PXK: variants seen among roughly 807,000 people sequenced by gnomAD.
PXK encodes the protein PX domain-containing protein kinase-like protein.
Under a neutral mutation model 84.7 loss-of-function variants are expected in PXK, and 35 were observed. That is an observed-to-expected ratio of 0.41 (90% CI 0.32 to 0.55). The LOEUF (loss-of-function observed/expected upper bound fraction) is 0.55. Among genes scored for constraint, PXK ranks in the 20% least tolerant of loss-of-function variants. The pLI is 0.21. For missense variants in PXK, 634 were observed against 699.7 expected (o/e 0.91, Z 1.06); for synonymous variants, 253 against 260.8 (o/e 0.97, Z 0.29).
intron 7 of PXK, among the ~76,000 whole-genome samples, chr3:58,394,182 G>A (rs2098658573): frequency 6.6e-6 from 1 of 152,132 alleles, no homozygotes; most frequent in Admixed American, 6.5e-5. Flanking sequence ...CTGCATGCCA[G>A]CCTCCAAAAT....
Position 58,382,630 on chromosome 3 carries a change from T to C in PXK, c.318T>C (p.Asn106=), listed in dbSNP as rs56141849. ...ACTATCTCAACGTGATCACAACAAA[T>C]CATATCTTGTCTAATTGTGAGCTGG... is the stretch of plus-strand genomic sequence containing the variant. The part of the protein sequence containing the change: ...LQNYLNVITT[N]HILSNCELVK... The change falls in exon 4 of 18, where the codon AAT becomes AAC. Residue 106 remains asparagine, a synonymous_variant. Transcript: ENST00000356151. The C allele has an allele frequency of 4.9e-3, 7,793 of 1,601,098 alleles. 21 individuals carry two copies. The highest frequency in any genetic ancestry group is 5.6e-3 in the Non-Finnish European group (6,594 of 1,176,200).
rs909694654 is a variant in PXK, at chr3:58,364,266, TCCTTC to T, written c.103-1606_103-1602del. Among the ~76,000 whole-genome samples the T allele has an allele frequency of 3.9e-5, 6 of 152,174 alleles. No individual in the cohort carries two copies. The highest frequency in any genetic ancestry group is 7.3e-5 in the Non-Finnish European group (5 of 68,034). On this transcript the variant is annotated intron_variant, in intron 1 of 17. Transcript: ENST00000356151. The surrounding 1 kb of genome is among the most constrained non-coding windows in gnomAD (Gnocchi z 4.3). The stretch of plus-strand genomic sequence containing the variant: ...CTTCATCAAGTGAATTGGGAAGTGT[TCCTTC>T]CTCTTCTGTGTTTTAGAAGAGTTTG...
chr3:58,386,541 CA>C (rs889649544), intron 4 of PXK, among the ~76,000 whole-genome samples: 9 of 151,964 alleles, frequency 5.9e-5, no homozygotes. Flanking sequence ...GTGATACGCC[CA>C]CCTCGGCCTC....
At chr3:58,342,535 T>C (rs2097754848) in intron 1 of PXK, among the ~76,000 whole-genome samples, 1 of 148,706 alleles carries the variant, frequency 6.7e-6, no homozygotes, top group Non-Finnish European at 1.5e-5. Flanking sequence ...CTCAGGAAGC[T>C]GAGGCACGAG....
At position 58,333,101 on chromosome 3, in the gene PXK, C is replaced by T. The variant is rs781552756; in HGVS notation, c.102+11C>T. On this transcript the variant is annotated intron_variant, in intron 1 of 17. Transcript: ENST00000356151. This position sits in a 1 kb window ranked among gnomAD's most constrained non-coding sequence, Gnocchi z 5.4. ...CTGCAGTCCCACACGGTGCGCGGCCCAGCGGGCGGGCGGGCGGCGTGGGGC... is the reference window on the plus strand; with the variant it reads ...CTGCAGTCCCACACGGTGCGCGGCCTAGCGGGCGGGCGGGCGGCGTGGGGC... The T allele has an allele frequency of 4.7e-5, 54 of 1,160,168 alleles. No individual in the cohort carries two copies. The South Asian group carries it at 1.4e-3, about 29-fold the overall frequency. The allele number at this position is 1,160,168 out of a possible 1,614,324, so 71.9% of individuals were successfully genotyped here. A position where few individuals can be genotyped will look rare whatever the true frequency, so the allele number is the denominator to read the frequency against.
rs768937673 is a variant in PXK, at chr3:58,412,912, G to A, written c.1477G>A (p.Ala493Thr). ...SNSNNSAGSG[A>T]SSPLTSPSSP... Reference sequence around the variant, plus strand: ...GTGTTTTATCTTAGCAGGATCTGGGGCCAGCTCACCTCTCACGTCCCCGTC... The same window carrying A: ...GTGTTTTATCTTAGCAGGATCTGGGACCAGCTCACCTCTCACGTCCCCGTC... Residue 493 changes from alanine (A) to threonine (T), a missense_variant, in exon 17 of 18, where the codon GCC becomes ACC. Physicochemically the swap from Ala to Thr is moderately conservative, Grantham distance 58. This residue lies in a region of PXK where 273 missense variants were observed against 283.6 expected (regional missense o/e 0.96). Coordinates refer to ENST00000356151, the MANE Select transcript of PXK (RefSeq NM_017771.5). The surrounding 1 kb of genome is among the most constrained non-coding windows in gnomAD (Gnocchi z 6.2). The A allele has an allele frequency of 2.4e-5, 38 of 1,614,002 alleles. No homozygotes were observed. The highest frequency in any genetic ancestry group is 3.1e-5 in the Non-Finnish European group (36 of 1,180,030).
chr3:58,384,450 G>T (rs6445975), intron 4 of PXK, among the ~76,000 whole-genome samples: 96,696 of 151,996 alleles, frequency 0.64, 31,940 homozygotes, highest in East Asian at 0.81. Context: ...AAATGGAGCA[G>T]TGAGTTGTTA....
chr3:58,422,704 CA>C, intron 17 of PXK: 1 of 985,388 alleles, frequency 1.0e-6, no homozygotes. Flanking sequence ...TGAGGCCAAG[CA>C]GTTTTGTTCT....
At chr3:58,394,710 G>C (rs1482225077) in intron 7 of PXK, among the ~76,000 whole-genome samples, 1 of 152,160 alleles carries the variant, frequency 6.6e-6, no homozygotes, top group Non-Finnish European at 1.5e-5. Flanking sequence ...TGAGCTATGA[G>C]AGTGCACACA....
intron 17 of PXK, among the ~76,000 whole-genome samples, chr3:58,418,504 G>A (rs1280423166): frequency 1.3e-5 from 2 of 152,162 alleles, no homozygotes; most frequent in African/African-American, 4.8e-5. Flanking sequence ...AAATACTGTT[G>A]TTGGCTGGTG....
intron 1 of PXK, among the ~76,000 whole-genome samples, chr3:58,358,522 C>G (rs2098128530): frequency 6.6e-6 from 1 of 152,164 alleles, no homozygotes; most frequent in Non-Finnish European, 1.5e-5. Context: ...AACTCCCACT[C>G]CATCCTGTAT....
intron 3 of PXK, among the ~76,000 whole-genome samples, chr3:58,375,579 G>A (rs911666717): frequency 3.9e-5 from 6 of 152,088 alleles, no homozygotes; most frequent in Non-Finnish European, 1.5e-5. Context: ...ATCTATCCAC[G>A]ACCAAGGCCA....
rs1427488905 is a variant in PXK at position 58,333,575 on chromosome 3, TG to T, written c.102+486del. ...ATGAAGTGTGACTCCAGAGCCTACTTGTTGGGACAGCAGAGTGTAAGTGGCT... is the reference window on the plus strand; with the variant it reads ...ATGAAGTGTGACTCCAGAGCCTACTTTTGGGACAGCAGAGTGTAAGTGGCT... On this transcript the variant is annotated intron_variant, in intron 1 of 17. Coordinates refer to ENST00000356151, the MANE Select transcript of PXK (RefSeq NM_017771.5). This position sits in a 1 kb window ranked among gnomAD's most constrained non-coding sequence, Gnocchi z 5.4. 1 of 456,652 alleles carries T rather than the reference TG, an allele frequency of 2.2e-6. No homozygotes were observed. Among genetic ancestry groups the T allele is most frequent in the East Asian group, 7.0e-5 (1 of 14,370 alleles). The allele number at this position is 456,652 out of a possible 1,614,324, so 28.3% of individuals were successfully genotyped here. A position where few individuals can be genotyped will look rare whatever the true frequency, so the allele number is the denominator to read the frequency against.
intron 1 of PXK, among the ~76,000 whole-genome samples, chr3:58,345,434 A>G (rs2097797177): frequency 6.6e-6 from 1 of 152,198 alleles, no homozygotes; most frequent in Admixed American, 6.5e-5. Context: ...AATTGTGTTC[A>G]GAGGAATACA....
chr3:58,355,204 C>T (rs2098046693), intron 1 of PXK, among the ~76,000 whole-genome samples: 1 of 151,904 alleles, frequency 6.6e-6, no homozygotes, highest in South Asian at 2.1e-4. Flanking sequence ...AAATCAGAAT[C>T]TGTGAGGGCA....
chr3:58,373,510 A>T (rs1002600648), intron 3 of PXK, among the ~76,000 whole-genome samples: 2 of 152,182 alleles, frequency 1.3e-5, no homozygotes, highest in Non-Finnish European at 2.9e-5. Flanking sequence ...CCTTGGAGAG[A>T]CTTACTGTAC....
intron 4 of PXK, among the ~76,000 whole-genome samples, chr3:58,386,941 G>A (rs1314219671): frequency 1.3e-5 from 2 of 152,238 alleles, no homozygotes; most frequent in African/African-American, 4.8e-5. Context: ...AGAGAGTGGG[G>A]AAAGAGGACT....
At chr3:58,423,603 A>G (rs2062303301) in intron 17 of PXK, 18 of 1,509,338 alleles carry the variant, frequency 1.2e-5, no homozygotes, top group African/African-American at 2.8e-5. Context: ...CGTCCATACA[A>G]ACTTAAGTAG....
chr3:58,410,905 A>G (rs1281779769), intron 16 of PXK, among the ~76,000 whole-genome samples: 1 of 152,234 alleles, frequency 6.6e-6, no homozygotes, highest in Admixed American at 6.5e-5. Flanking sequence ...ACTTTTAGGC[A>G]GAGGAAGGAC....
Sources: allele counts gnomAD v4.1 joint callset (sites outside exome capture counted in the v4.1 genomes callset), GRCh38; gene constraint gnomAD v4.1.1; regional missense constraint gnomAD v4.1.1; non-coding constraint Gnocchi (gnomAD v3.1); transcripts MANE v1.5; gene names NCBI Gene and HGNC (gene_info 2026-07-23, HGNC 2026-07-21).